Variants in ASTN2 observed in about 807,000 individuals in gnomAD.
ASTN2 encodes astrotactin 2.
Under a neutral mutation model 139.8 loss-of-function variants are expected in ASTN2, and 54 were observed. The ratio of observed to expected loss-of-function variants is 0.39; its 90% CI spans 0.31 to 0.48. The LOEUF (loss-of-function observed/expected upper bound fraction) is 0.48, where lower values mean the gene tolerates loss of function less well. Among genes scored for constraint, ASTN2 ranks in the 20% least tolerant of loss-of-function variants. The probability of loss-of-function intolerance (pLI) is 0.95; values close to 1 mark genes in which losing one functional copy is unlikely to be tolerated. For missense variants in ASTN2, 1,565 were observed against 1,725.1 expected (o/e 0.91, Z 1.64); for synonymous variants, 756 against 719.5 (o/e 1.05, Z -0.81).
chr9:116,680,847 T>A (rs898498355), intron 16 of ASTN2, among the ~76,000 whole-genome samples: 2 of 151,920 alleles, frequency 1.3e-5, no homozygotes, highest in African/African-American at 4.8e-5. Flanking sequence ...AAACTCTCAA[T>A]AAATTAGGTA....
At chr9:116,693,466 T>TA (rs1860676035) in intron 16 of ASTN2, among the ~76,000 whole-genome samples, 1 of 152,200 alleles carries the variant, frequency 6.6e-6, no homozygotes, top group South Asian at 2.1e-4. Flanking sequence ...TTCTGAGTCT[T>TA]AGGGCAGCCA....
intron 1 of ASTN2, among the ~76,000 whole-genome samples, chr9:117,392,034 A>T (rs1480969721): frequency 6.6e-6 from 1 of 152,172 alleles, no homozygotes; most frequent in East Asian, 1.9e-4. Context: ...TTGGGCATTC[A>T]TTATAAGCAC....
chr9:117,361,942 T>C (rs981659667), intron 1 of ASTN2, among the ~76,000 whole-genome samples: 1 of 151,098 alleles, frequency 6.6e-6, no homozygotes, highest in Non-Finnish European at 1.5e-5. Context: ...TGCATTTTGT[T>C]TGATTCCTAT....
intron 1 of ASTN2, among the ~76,000 whole-genome samples, chr9:117,341,026 C>T (rs1040008771): frequency 5.3e-5 from 8 of 152,070 alleles, no homozygotes; most frequent in Non-Finnish European, 7.4e-5. Context: ...CTCTAGGGAC[C>T]CAAGGTTATC....
chr9:116,949,133 A>C (rs1388089269), intron 10 of ASTN2, among the ~76,000 whole-genome samples: 2 of 151,920 alleles, frequency 1.3e-5, no homozygotes, highest in African/African-American at 2.4e-5. Context: ...ACTTCTCAAA[A>C]TATATCCCGG....
intron 19 of ASTN2, chr9:116,504,430 A>C (rs1850019494): frequency 6.6e-6 from 1 of 152,190 alleles, no homozygotes; most frequent in Admixed American, 6.5e-5. Context: ...CTGAGGTCTA[A>C]GAAGAAAACC....
intron 2 of ASTN2, among the ~76,000 whole-genome samples, chr9:117,230,749 G>A (rs1176863859): frequency 6.6e-6 from 1 of 152,142 alleles, no homozygotes; most frequent in African/African-American, 2.4e-5. Flanking sequence ...ATTCCTCAGT[G>A]GCTATTCTGG....
Position 116,439,195 on chromosome 9 carries a change from T to C in ASTN2, c.3782+1414A>G, listed in dbSNP as rs1285769730. Among the ~76,000 whole-genome samples, 34 of 21,298 alleles carry C rather than the reference T, an allele frequency of 1.6e-3. 1 individual carries two copies. Among genetic ancestry groups the C allele is most frequent in the African/African-American group, 6.8e-3 (29 of 4,278 alleles). 14.0% of individuals were successfully genotyped at this position (21,298 alleles called of 152,430 possible). A position where few individuals can be genotyped will look rare whatever the true frequency, so the allele number is the denominator to read the frequency against. On this transcript the variant is annotated intron_variant, in intron 22 of 22. Coordinates refer to ENST00000313400, the MANE Select transcript of ASTN2 (RefSeq NM_001365068.1). ...ATGTTGTGTTTTCTATTCAAATACA[T>C]TTTTTTTTTTTTTTTTTTTTTTTGA...
chr9:116,462,363 T>C (rs1848513411), intron 20 of ASTN2, among the ~76,000 whole-genome samples: 1 of 152,194 alleles, frequency 6.6e-6, no homozygotes, highest in Admixed American at 6.6e-5. Context: ...TACAGAGCAA[T>C]GATTCAAACC....
At chr9:117,387,796 C>T (rs1194881081) in intron 1 of ASTN2, among the ~76,000 whole-genome samples, 1 of 152,086 alleles carries the variant, frequency 6.6e-6, no homozygotes, top group Admixed American at 6.6e-5. Flanking sequence ...GCAGAGCAGG[C>T]CACAAGAAAG....
intron 1 of ASTN2, among the ~76,000 whole-genome samples, chr9:117,307,489 G>A (rs888804592): frequency 1.1e-4 from 17 of 152,188 alleles, no homozygotes; most frequent in African/African-American, 3.4e-4. Context: ...ATGCACATAC[G>A]TATGTGAAAA....
chr9:117,378,995 A>C lies in ASTN2; in HGVS notation c.442+35502T>G, dbSNP rs181917204. 2.0e-5 allele frequency among the ~76,000 whole-genome samples: 3 copies of C among 151,506 alleles called. No individual in the cohort carries two copies. In the East Asian group the frequency reaches 5.8e-4, roughly 30 times the overall value. ...TCCTCCTTTGCTCTCTCTTGCTCCT[A>C]CTCCTGCCGTGTGAGACGTCATGCT... On this transcript the variant is annotated intron_variant, in intron 1 of 22. Coordinates refer to ENST00000313400, the MANE Select transcript of ASTN2 (RefSeq NM_001365068.1).
At chr9:116,766,241 G>A (rs1183569648) in intron 13 of ASTN2, among the ~76,000 whole-genome samples, 2 of 151,814 alleles carry the variant, frequency 1.3e-5, no homozygotes, top group East Asian at 1.9e-4. Context: ...GGGTATACAC[G>A]CACAAATACA....
chr9:117,161,844 T>G lies in ASTN2; in HGVS notation c.1016-20366A>C, dbSNP rs1028987291. Among the ~76,000 whole-genome samples, 3 of 143,820 alleles carry G rather than the reference T, an allele frequency of 2.1e-5. No homozygotes were observed. In the East Asian group the frequency reaches 6.1e-4, roughly 29 times the overall value. 94.4% of individuals were successfully genotyped at this position (143,820 alleles called of 152,430 possible). ...TAACAGTTACAACTGTCCAAACAAT[T>G]TTCACACATTTTTCTTTTTCTTTTT... On this transcript the variant is annotated intron_variant, in intron 3 of 22. Coordinates refer to ENST00000313400, the MANE Select transcript of ASTN2 (RefSeq NM_001365068.1).
intron 2 of ASTN2, among the ~76,000 whole-genome samples, chr9:117,257,667 C>T (rs765559420): frequency 6.6e-6 from 1 of 152,140 alleles, no homozygotes; most frequent in Non-Finnish European, 1.5e-5. Flanking sequence ...AATCAGAGGA[C>T]ACAGAGGAAA....
intron 22 of ASTN2, among the ~76,000 whole-genome samples, chr9:116,438,338 T>C (rs1392115462): frequency 6.6e-6 from 1 of 152,148 alleles, no homozygotes; most frequent in Non-Finnish European, 1.5e-5. Flanking sequence ...AAGCTTACCA[T>C]TACCCTAAGG....
chr9:117,009,213 A>T (rs1000815404), intron 6 of ASTN2, among the ~76,000 whole-genome samples: 14 of 152,162 alleles, frequency 9.2e-5, no homozygotes, highest in Non-Finnish European at 1.6e-4. Flanking sequence ...CCAATTTTTC[A>T]ACATTTCTGA....
chr9:116,999,697 T>C (rs1324303326), intron 7 of ASTN2, among the ~76,000 whole-genome samples: 1 of 151,668 alleles, frequency 6.6e-6, no homozygotes, highest in Admixed American at 6.6e-5. Flanking sequence ...GTAGCTGAGA[T>C]TATGGGCATG....
At chr9:116,779,398 T>A (rs1160067312) in intron 13 of ASTN2, among the ~76,000 whole-genome samples, 2 of 152,096 alleles carry the variant, frequency 1.3e-5, no homozygotes, top group African/African-American at 4.8e-5. Flanking sequence ...ACCAAGCCCC[T>A]CACCAGACAC....
Sources: allele counts gnomAD v4.1 joint callset (sites outside exome capture counted in the v4.1 genomes callset), GRCh38; gene constraint gnomAD v4.1.1; transcripts MANE v1.5; gene names NCBI Gene and HGNC (gene_info 2026-07-23, HGNC 2026-07-21).